The following CCDC178 variants were observed in gnomAD, a reference collection of about 807,000 sequenced individuals.
CCDC178 encodes the protein coiled-coil domain containing 178.
In CCDC178, 126 loss-of-function variants were observed where a neutral mutation model predicts 117.4. The observed-to-expected ratio is 1.07, with a 90% CI of 0.93 to 1.24. CCDC178 has a LOEUF of 1.24. Ranked by LOEUF, CCDC178 falls within the 50% of genes most tolerant of loss-of-function variation. CCDC178 has a pLI of 0.00. For missense variants in CCDC178, 1,030 were observed against 986.9 expected, an observed-to-expected ratio of 1.04 and a Z score of -0.59; for synonymous variants, 283 against 313.4, an observed-to-expected ratio of 0.90 and a Z score of 1.02.
At chr18:33,120,195 GA>G (rs35478965) in intron 20 of CCDC178, among the ~76,000 whole-genome samples, 23,621 of 146,836 alleles carry the variant, frequency 0.16, 2,520 homozygotes, top group African/African-American at 0.31. Context: ...AATAAAGAAA[GA>G]AAAAAAAAAG....
chr18:33,383,793 A>T (rs184125522), intron 5 of CCDC178, among the ~76,000 whole-genome samples: 2 of 152,186 alleles, frequency 1.3e-5, no homozygotes, highest in African/African-American at 4.8e-5. Flanking sequence ...TCAAAGCTGG[A>T]ATGCCTATTC....
intron 9 of CCDC178, among the ~76,000 whole-genome samples, chr18:33,337,135 CTTT>C (rs71159820): frequency 6.6e-5 from 9 of 135,460 alleles, no homozygotes; most frequent in Admixed American, 7.3e-5. Context: ...TATTCCTAAG[CTTT>C]TTTTTTTTTT....
At chr18:33,114,164 G>A (rs981145099) in intron 20 of CCDC178, among the ~76,000 whole-genome samples, 1 of 152,066 alleles carries the variant, frequency 6.6e-6, no homozygotes, top group Non-Finnish European at 1.5e-5. Flanking sequence ...GAAGAGGTTG[G>A]TTTACTTTCA....
intron 2 of CCDC178, among the ~76,000 whole-genome samples, chr18:33,415,600 G>A (rs1330391335): frequency 6.6e-6 from 1 of 152,090 alleles, no homozygotes; most frequent in Admixed American, 6.5e-5. Context: ...TAATGTAAAT[G>A]ACGAGTTAAC....
intron 9 of CCDC178, 112 bp from the exon 10 acceptor site, chr18:33,333,506 C>CTTTTTTTTTTTTTTTTT (rs11361411): frequency 6.8e-6 from 1 of 147,902 alleles, no homozygotes; most frequent in African/African-American, 5.0e-5. Context: ...AATCTTACTA[C>CTTTTTTTTTTTTTTTTT]TTTTTTTTTT....
At chr18:33,186,439 G>A (rs1398250135) in intron 20 of CCDC178, among the ~76,000 whole-genome samples, 1 of 152,020 alleles carries the variant, frequency 6.6e-6, no homozygotes. Flanking sequence ...AACAACCTGA[G>A]AAAGTATTTT....
At chr18:33,057,654 G>A (rs1331403134) in intron 21 of CCDC178, among the ~76,000 whole-genome samples, 1 of 151,964 alleles carries the variant, frequency 6.6e-6, no homozygotes, top group Non-Finnish European at 1.5e-5. Flanking sequence ...ACTATGCCTG[G>A]CTAATGTTTG....
chr18:33,436,192 T>C (rs1278358704), intron 2 of CCDC178, among the ~76,000 whole-genome samples: 1 of 152,132 alleles, frequency 6.6e-6, no homozygotes, highest in African/African-American at 2.4e-5. Context: ...AGTTGCAACC[T>C]GGAGTCAAGT....
intron 2 of CCDC178, among the ~76,000 whole-genome samples, chr18:33,431,860 G>A (rs947704497): frequency 2.0e-5 from 3 of 152,192 alleles, no homozygotes; most frequent in Non-Finnish European, 4.4e-5. Context: ...TTTTTGGCCT[G>A]GAGAAAAGCT....
chr18:33,113,740 G>C (rs2057814565), intron 20 of CCDC178, among the ~76,000 whole-genome samples: 1 of 152,020 alleles, frequency 6.6e-6, no homozygotes, highest in African/African-American at 2.4e-5. Flanking sequence ...ATCTGCCACA[G>C]ACTACTATAT....
At chr18:32,951,816 G>C (rs139778971) in intron 22 of CCDC178, among the ~76,000 whole-genome samples, 2 of 152,248 alleles carry the variant, frequency 1.3e-5, no homozygotes, top group African/African-American at 4.8e-5. Flanking sequence ...AAGCAAGTTA[G>C]TTACTTCCTA....
At chr18:33,285,681 C>T (rs2144845183) in intron 12 of CCDC178, among the ~76,000 whole-genome samples, 1 of 152,224 alleles carries the variant, frequency 6.6e-6, no homozygotes, top group East Asian at 1.9e-4. Flanking sequence ...AAATATAATA[C>T]ATCACCTCAA....
At chr18:33,436,384 T>G (rs1379555395) in intron 2 of CCDC178, among the ~76,000 whole-genome samples, 1 of 152,154 alleles carries the variant, frequency 6.6e-6, no homozygotes, top group Non-Finnish European at 1.5e-5. Context: ...AGACCACTCT[T>G]TCTAGGACTT....
intron 20 of CCDC178, among the ~76,000 whole-genome samples, chr18:33,170,656 T>C (rs1260812151): frequency 2.0e-5 from 3 of 152,110 alleles, no homozygotes. Flanking sequence ...ACAAATAGTT[T>C]AAGTGATATA....
intron 20 of CCDC178, among the ~76,000 whole-genome samples, chr18:33,121,588 G>C (rs1302226865): frequency 6.6e-6 from 1 of 152,040 alleles, no homozygotes; most frequent in Non-Finnish European, 1.5e-5. Context: ...GACCACTATA[G>C]GCTTTTGTTT....
chr18:33,252,101 G>T (rs1320046117), intron 14 of CCDC178, among the ~76,000 whole-genome samples: 1 of 151,720 alleles, frequency 6.6e-6, no homozygotes, highest in Admixed American at 6.6e-5. Flanking sequence ...AGAAAAAGAG[G>T]TATTGGTTAT....
chr18:33,016,095 A>G (rs1284227827), intron 21 of CCDC178, among the ~76,000 whole-genome samples: 1 of 152,148 alleles, frequency 6.6e-6, no homozygotes, highest in Admixed American at 6.5e-5. Flanking sequence ...ATTTCCGTAT[A>G]TAGAAATATC....
chr18:33,160,542 C>T (rs2058450402), intron 20 of CCDC178, among the ~76,000 whole-genome samples: 1 of 152,122 alleles, frequency 6.6e-6, no homozygotes, highest in African/African-American at 2.4e-5. Flanking sequence ...CTCTAATGTT[C>T]TCCTTTAGTC....
chr18:33,041,154 A>G (rs2056543359), intron 21 of CCDC178, among the ~76,000 whole-genome samples: 1 of 151,932 alleles, frequency 6.6e-6, no homozygotes, highest in Non-Finnish European at 1.5e-5. Flanking sequence ...CACAAAATTT[A>G]AAATTACCCA....
Sources: allele counts gnomAD v4.1 joint callset (sites outside exome capture counted in the v4.1 genomes callset), GRCh38; gene constraint gnomAD v4.1.1; transcripts MANE v1.5; gene names NCBI Gene and HGNC (gene_info 2026-07-23, HGNC 2026-07-21).